NBPF15: variants seen among roughly 807,000 people sequenced by gnomAD.
The protein encoded by NBPF15 is NBPF member 15.
In NBPF15, 74 loss-of-function variants were observed where a neutral mutation model predicts 62.2. That is an observed-to-expected ratio of 1.19 (90% confidence interval 0.99 to 1.44). The LOEUF (loss-of-function observed/expected upper bound fraction) is 1.44. Among genes scored for constraint, NBPF15 ranks in the 40% most tolerant of loss-of-function variants. NBPF15 has a pLI of 0.00. For synonymous variants in NBPF15, 244 were observed against 209.7 expected, an observed-to-expected ratio of 1.16 and a Z score of -1.41; for missense variants, 790 against 550.0, an observed-to-expected ratio of 1.44 and a Z score of -4.36.
Position 144,429,422 on chromosome 1 carries a change from T to C in NBPF15, c.988+278A>G, listed in dbSNP as rs1311911968. Among the ~76,000 whole-genome samples the C allele has an allele frequency of 1.4e-4, 21 of 151,522 alleles. No homozygotes were observed. The East Asian group carries it at 3.9e-3, about 28-fold the overall frequency. On this transcript the variant is annotated intron_variant, in intron 14 of 21. Transcript: ENST00000581897. ...CCTGGGCATGTGCTGCATAGTTTGGTGTGAGTTTGCCACACCTGCCTTGAG... is the reference window on the plus strand; with the variant it reads ...CCTGGGCATGTGCTGCATAGTTTGGCGTGAGTTTGCCACACCTGCCTTGAG...
rs1172821102 is a variant in NBPF15 at position 144,427,990 on chromosome 1, C to A, written c.1041G>T (p.Arg347Ser). The change falls in exon 16 of 22, where the codon AGG becomes AGT. Residue 347 changes from arginine to serine, a missense_variant and splice_region_variant. Coordinates refer to ENST00000581897, the MANE Select transcript of NBPF15 (RefSeq NM_001385408.1). ...KKEDQEATGP[R>S]LSRELLDEKE... ...TCTCATCCAGCAGCTCCCTGCTGAGCCTGGAAAAGTGGGAAAAAGTAAAGA... is the reference window on the plus strand; with the variant it reads ...TCTCATCCAGCAGCTCCCTGCTGAGACTGGAAAAGTGGGAAAAAGTAAAGA... 5.3e-6 allele frequency: 4 copies of A among 749,818 alleles called. No homozygotes were observed. Among genetic ancestry groups the A allele is most frequent in the East Asian group, 2.5e-5 (1 of 40,210 alleles). 46.4% of individuals were successfully genotyped at this position (749,818 alleles called of 1,614,324 possible).
At chr1:144,443,670 A>C (rs1307410118) in intron 6 of NBPF15, among the ~76,000 whole-genome samples, 1 of 151,708 alleles carries the variant, frequency 6.6e-6, no homozygotes, top group Non-Finnish European at 1.5e-5. Context: ...GATTCTGGCT[A>C]TTAATCTCTA....
At chr1:144,427,224 T>G (rs1388395682) in intron 16 of NBPF15, 126 bp from the exon 17 acceptor site, 1 of 683,958 alleles carries the variant, frequency 1.5e-6, no homozygotes, top group Non-Finnish European at 2.6e-6. Context: ...CTGTGAGAGA[T>G]ATTCTTCAAG....
At chr1:144,436,310 C>T (rs868950512) in intron 10 of NBPF15, among the ~76,000 whole-genome samples, 2,240 of 152,044 alleles carry the variant, frequency 0.015, 38 homozygotes, top group African/African-American at 0.051. Flanking sequence ...TATTCAGGGA[C>T]ATTCTATCCA....
chr1:144,424,092 C>A, intron 20 of NBPF15, 117 bp from the exon 21 acceptor site: 4 of 751,272 alleles, frequency 5.3e-6, no homozygotes, highest in Non-Finnish European at 9.7e-6. Context: ...AATACGACAC[C>A]ATGAGAGATA....
At chr1:144,441,068 T>C (rs1311138144) in intron 6 of NBPF15, among the ~76,000 whole-genome samples, 1 of 151,938 alleles carries the variant, frequency 6.6e-6, no homozygotes, top group Non-Finnish European at 1.5e-5. Flanking sequence ...CTATTGATTG[T>C]ATGATTATCA....
chr1:144,443,025 AC>A (rs1258137712), intron 6 of NBPF15: 8 of 183,902 alleles, frequency 4.4e-5, no homozygotes, highest in Non-Finnish European at 8.7e-5. Flanking sequence ...TGTTCCTTCC[AC>A]TCCACCGCTC....
chr1:144,424,142 C>T (rs1179284535), intron 20 of NBPF15, among the ~76,000 whole-genome samples, 167 bp from the exon 21 acceptor site: 1 of 152,010 alleles, frequency 6.6e-6, no homozygotes, highest in Non-Finnish European at 1.5e-5. Flanking sequence ...ATATAAATTC[C>T]TCAGTTTTTC....
At chr1:144,449,495 T>C (rs502315) in intron 5 of NBPF15, among the ~76,000 whole-genome samples, 3,442 of 151,156 alleles carry the variant, frequency 0.023, 79 homozygotes, top group Middle Eastern at 0.065. Flanking sequence ...TTCCATGGAA[T>C]GGCTAAAGGA....
chr1:144,427,655 G>A (rs1459401599), intron 16 of NBPF15, among the ~76,000 whole-genome samples, 163 bp downstream of exon 16: 1 of 146,016 alleles, frequency 6.8e-6, no homozygotes, highest in Non-Finnish European at 1.5e-5. Context: ...TCCCTTGTCT[G>A]GGCTTCCAAG....
At chr1:144,444,528 C>T (rs1685874414) in intron 6 of NBPF15, among the ~76,000 whole-genome samples, 1 of 151,580 alleles carries the variant, frequency 6.6e-6, no homozygotes, top group African/African-American at 2.4e-5. Flanking sequence ...ATAAGGGCCC[C>T]CAGCACCTAG....
intron 9 of NBPF15, 80 bp from the exon 10 acceptor site, chr1:144,437,189 G>A (rs1679141555): frequency 1.5e-6 from 2 of 1,302,796 alleles, no homozygotes; most frequent in Non-Finnish European, 1.1e-6. Context: ...AGATTTCTGA[G>A]ACAATGTCCT....
At chr1:144,428,127 G>A in intron 15 of NBPF15, 137 bp from the exon 16 acceptor site, 4 of 674,030 alleles carry the variant, frequency 5.9e-6, no homozygotes, top group Non-Finnish European at 1.1e-5. Flanking sequence ...ACAAATTATT[G>A]CCTTTATGTT....
At chr1:144,436,145 C>T (rs1489515624) in intron 10 of NBPF15, among the ~76,000 whole-genome samples, 1 of 152,032 alleles carries the variant, frequency 6.6e-6, no homozygotes, top group African/African-American at 2.4e-5. Context: ...CAGCTGTCTC[C>T]CCCATCCTGC....
At chr1:144,425,216 G>A (rs1553539066) in intron 19 of NBPF15, among the ~76,000 whole-genome samples, 3 of 112,686 alleles carry the variant, frequency 2.7e-5, no homozygotes, top group Non-Finnish European at 1.7e-5. Flanking sequence ...ACAGCATACA[G>A]TGATCATGAA....
chr1:144,447,193 C>A (rs1688191971), intron 6 of NBPF15, among the ~76,000 whole-genome samples: 1 of 152,398 alleles, frequency 6.6e-6, no homozygotes, highest in African/African-American at 2.4e-5. Context: ...GCCATGACCT[C>A]CAGCCTGCAG....
intron 17 of NBPF15, 74 bp downstream of exon 17, chr1:144,426,973 A>T: frequency 1.4e-6 from 1 of 715,456 alleles, no homozygotes; most frequent in East Asian, 2.5e-5. Context: ...AATTGAACAC[A>T]CTCTTGTTTT....
At chr1:144,427,481 C>T (rs1434850760) in intron 16 of NBPF15, among the ~76,000 whole-genome samples, 3 of 149,908 alleles carry the variant, frequency 2.0e-5, no homozygotes, top group Non-Finnish European at 4.4e-5. Context: ...ATTTTAGACG[C>T]TGAAATTAGA....
intron 16 of NBPF15, among the ~76,000 whole-genome samples, chr1:144,427,566 G>A (rs1239427173): frequency 6.8e-6 from 1 of 147,366 alleles, no homozygotes; most frequent in Non-Finnish European, 1.5e-5. Flanking sequence ...CATCTGCCCA[G>A]GTCCAACGTC....
Sources: allele counts gnomAD v4.1 joint callset (sites outside exome capture counted in the v4.1 genomes callset), GRCh38; gene constraint gnomAD v4.1.1; transcripts MANE v1.5; gene names NCBI Gene and HGNC (gene_info 2026-07-23, HGNC 2026-07-21).